PSME4: variants seen among roughly 807,000 people sequenced by gnomAD.
PSME4 encodes proteasome activator complex subunit 4.
In PSME4, 89 loss-of-function variants were observed where a neutral mutation model predicts 253.9. The ratio of observed to expected loss-of-function variants is 0.35; its 90% CI spans 0.30 to 0.42. PSME4 has a LOEUF of 0.42. Ranked by LOEUF, PSME4 falls within the 10% of genes least tolerant of loss-of-function variation. The pLI is 1.00. For missense variants in PSME4, 2,014 were observed against 2,195.2 expected, an observed-to-expected ratio of 0.92 and a Z score of 1.65; for synonymous variants, 851 against 759.2, an observed-to-expected ratio of 1.12 and a Z score of -1.99.
At chr2:53,869,078 A>G (rs1016949921) in intron 44 of PSME4, among the ~76,000 whole-genome samples, 1 of 152,170 alleles carries the variant, frequency 6.6e-6, no homozygotes, top group African/African-American at 2.4e-5. Context: ...ACCCTCCAAA[A>G]TAACTAATTC....
In PSME4 at chr2:53,928,296, G is replaced by C; in HGVS notation, c.1324C>G (p.Pro442Ala). 6.2e-7 allele frequency: 1 copy of C among 1,613,596 alleles called. No homozygotes were observed. The highest frequency in any genetic ancestry group is 1.1e-5 in the South Asian group (1 of 91,056). The change falls in exon 11 of 47, where the codon CCT becomes GCT. Residue 442 changes from proline to alanine, a missense_variant. By Grantham distance (27) the Pro-to-Ala change is conservative. Coordinates refer to ENST00000404125, the MANE Select transcript of PSME4 (RefSeq NM_014614.3). ...VIPPVLERTYPALETLTEPHQ... is the reference protein window; with the variant it reads ...VIPPVLERTYAALETLTEPHQ... The stretch of plus-strand genomic sequence containing the variant: ...GGTTCTGTTAATGTCTCTAATGCAG[G>C]ATATGTTCTACAGTTTGAAAACAGA...
chr2:53,911,133 A>C (rs999943825), intron 20 of PSME4, among the ~76,000 whole-genome samples: 7 of 152,192 alleles, frequency 4.6e-5, no homozygotes, highest in South Asian at 4.1e-4. Context: ...TATTTATCTA[A>C]GTAATAGGTA....
In PSME4 at chr2:53,923,427, G is replaced by A; in HGVS notation, c.1810-8C>T. The A allele has an allele frequency of 1.3e-6, 2 of 1,579,636 alleles. No individual in the cohort carries two copies. The highest frequency in any genetic ancestry group is 1.7e-6 in the Non-Finnish European group (2 of 1,168,670). On this transcript the variant is annotated splice_region_variant and splice_polypyrimidine_tract_variant and intron_variant, in intron 14 of 46. Transcript: ENST00000404125. ...AACCTTCTGAAGGGCCACCTGTTAA[G>A]ATATGAAAATGTTTAATGAGCATTT... is the stretch of plus-strand genomic sequence containing the variant.
chr2:53,970,120 G>A (rs919654877), intron 1 of PSME4, among the ~76,000 whole-genome samples: 6 of 152,142 alleles, frequency 3.9e-5, no homozygotes, highest in African/African-American at 1.2e-4. Context: ...AGGAAGAACC[G>A]GAGGAAGCAA....
chr2:53,887,785 T>C lies in PSME4; in HGVS notation c.4520+73A>G, dbSNP rs1349280912. 5.5e-6 allele frequency: 8 copies of C among 1,452,548 alleles called. No homozygotes were observed. In the African/African-American group the frequency reaches 7.2e-5, roughly 13 times the overall value. 90.0% of individuals were successfully genotyped at this position (1,452,548 alleles called of 1,614,324 possible). On this transcript the variant is annotated intron_variant, in intron 39 of 46. Coordinates refer to ENST00000404125, the MANE Select transcript of PSME4 (RefSeq NM_014614.3). ...CACTGACAACATAACCAGCATGTAT[T>C]ATTACCTATTACAATTTAAAAAAAA... is the stretch of plus-strand genomic sequence containing the variant.
chr2:53,883,674 C>T (rs1227864187), intron 41 of PSME4, among the ~76,000 whole-genome samples: 2 of 152,028 alleles, frequency 1.3e-5, no homozygotes, highest in Admixed American at 6.6e-5. Context: ...GAGGCATATG[C>T]TAACTGAATC....
chr2:53,905,411 G>A (rs1680608798), intron 26 of PSME4, among the ~76,000 whole-genome samples: 1 of 152,020 alleles, frequency 6.6e-6, no homozygotes, highest in Non-Finnish European at 1.5e-5. Flanking sequence ...TATCTAAAAT[G>A]TTCAGGTAGC....
At position 53,923,125 on chromosome 2, in the gene PSME4, ATGTATT is replaced by A; in HGVS notation, c.1909-13_1909-8del. 6.3e-7 allele frequency: 1 copy of A among 1,599,340 alleles called. No homozygotes were observed. Among genetic ancestry groups the A allele is most frequent in the South Asian group, 1.1e-5 (1 of 88,932 alleles). On this transcript the variant is annotated splice_region_variant and splice_polypyrimidine_tract_variant and intron_variant, in intron 15 of 46. Coordinates refer to ENST00000404125, the MANE Select transcript of PSME4 (RefSeq NM_014614.3). ...AAGATTCTTCTGGGCAGCACTGAAA[ATGTATT>A]TGTATAAGTAAGGCTTTTTTGAAAG... is the stretch of plus-strand genomic sequence containing the variant.
intron 3 of PSME4, among the ~76,000 whole-genome samples, chr2:53,946,283 G>A (rs1023765490): frequency 1.3e-5 from 2 of 152,152 alleles, no homozygotes; most frequent in Admixed American, 1.3e-4. Context: ...TGAAGAAACC[G>A]CCTTACCTCC....
At chr2:53,936,308 C>A (rs1669113940) in intron 6 of PSME4, 147 bp from the exon 7 acceptor site, 4 of 1,237,890 alleles carry the variant, frequency 3.2e-6, no homozygotes, top group Admixed American at 3.8e-5. Context: ...TTTTTTAAAA[C>A]CTCCAAATTT....
chr2:53,916,846 C>A (rs1243613398), intron 20 of PSME4, among the ~76,000 whole-genome samples: 1 of 151,892 alleles, frequency 6.6e-6, no homozygotes, highest in African/African-American at 2.4e-5. Context: ...AAATTAAATA[C>A]AATTCTATTA....
At chr2:53,922,483 C>CA (rs1491073016) in intron 17 of PSME4, 34 bp downstream of exon 17, 1 of 1,596,864 alleles carries the variant, frequency 6.3e-7, no homozygotes, top group Non-Finnish European at 8.6e-7. Context: ...AGTGTTTTCA[C>CA]AGTCATGTTT....
intron 1 of PSME4, among the ~76,000 whole-genome samples, chr2:53,968,250 G>A (rs747142190): frequency 6.6e-6 from 1 of 150,456 alleles, no homozygotes; most frequent in South Asian, 2.1e-4. Flanking sequence ...ACTCCAGCCT[G>A]GGCAACAAAG....
At chr2:53,896,405 T>C (rs989535642) in intron 32 of PSME4, among the ~76,000 whole-genome samples, 1 of 152,196 alleles carries the variant, frequency 6.6e-6, no homozygotes, top group African/African-American at 2.4e-5. Flanking sequence ...TAATCCTGGA[T>C]TGGAGACCAG....
rs1680104940 is a variant in PSME4, at chr2:53,895,634, T to A, written c.3791A>T (p.Glu1264Val). The A allele has an allele frequency of 6.2e-7, 1 of 1,613,620 alleles. No homozygotes were observed. The highest frequency in any genetic ancestry group is 8.5e-7 in the Non-Finnish European group (1 of 1,179,872). Residue 1264 changes from glutamate to valine, a missense_variant, in exon 33 of 47, where the codon GAG becomes GTG. Transcript: ENST00000404125. ...KTIPRTKKEWESSCFVEKTHW... is the reference protein window; with the variant it reads ...KTIPRTKKEWVSSCFVEKTHW... ...AGTTTTTTCCACAAAGCAACTTGAC[T>A]CCCATTCTTTTTTAGTTCTTGGTAT...
At chr2:53,892,082 CAA>C (rs1045682186) in intron 36 of PSME4, among the ~76,000 whole-genome samples, 1 of 152,112 alleles carries the variant, frequency 6.6e-6, no homozygotes, top group Non-Finnish European at 1.5e-5. Context: ...ACAGGTAACT[CAA>C]GAGTGGCTTT....
In PSME4 at chr2:53,893,787, T is replaced by G. The variant is rs1333449162; in HGVS notation, c.3925A>C (p.Ile1309Leu). 2 of 1,607,652 alleles carry G rather than the reference T, an allele frequency of 1.2e-6. No individual in the cohort carries two copies. The highest frequency in any genetic ancestry group is 2.2e-5 in the South Asian group (2 of 90,162). The change falls in exon 35 of 47, where the codon ATA becomes CTA. Residue 1309 changes from isoleucine (I) to leucine (L), a missense_variant. By Grantham distance (5) the Ile-to-Leu change is conservative. Transcript: ENST00000404125. ...REDMTEAEQI[I>L]FDHFSDPKFV... is the part of the protein sequence containing the mutation. ...TTAGGATCAGAAAAATGATCAAATATAATCTGTTCTGCCTATAAAGTTAAA... is the reference window on the plus strand; with the variant it reads ...TTAGGATCAGAAAAATGATCAAATAGAATCTGTTCTGCCTATAAAGTTAAA...
intron 10 of PSME4, among the ~76,000 whole-genome samples, chr2:53,928,517 A>G (rs1400697377): frequency 9.0e-6 from 1 of 111,216 alleles, no homozygotes; most frequent in Non-Finnish European, 1.9e-5. Flanking sequence ...TTAACCAAAT[A>G]TTTGTGTCCT....
At chr2:53,966,517 A>G (rs984792308) in intron 1 of PSME4, among the ~76,000 whole-genome samples, 1 of 151,784 alleles carries the variant, frequency 6.6e-6, no homozygotes, top group Non-Finnish European at 1.5e-5. Flanking sequence ...CAAAAAAATT[A>G]GCCAGGCGTC....
Sources: gnomAD v4.1 joint callset for allele counts (sites outside exome capture counted in the v4.1 genomes callset) on GRCh38, gnomAD v4.1.1 for gene constraint, MANE v1.5 for transcripts, NCBI Gene and HGNC (gene_info 2026-07-23, HGNC 2026-07-21) for gene names.